MAGI1: variants seen among roughly 807,000 people sequenced by gnomAD.
The protein encoded by MAGI1 is membrane-associated guanylate kinase, WW and PDZ domain-containing protein 1.
Under a neutral mutation model 139.9 loss-of-function variants are expected in MAGI1, and 58 were observed. The observed-to-expected ratio is 0.41, with a 90% CI of 0.34 to 0.52. The LOEUF (loss-of-function observed/expected upper bound fraction) is 0.52. Among genes scored for constraint, MAGI1 ranks in the 20% least tolerant of loss-of-function variants. MAGI1 has a pLI of 0.12. For synonymous variants in MAGI1, 812 were observed against 737.9 expected (o/e 1.10, Z -1.63); for missense variants, 1,874 against 1,901.6 (o/e 0.99, Z 0.27).
intron 3 of MAGI1, among the ~76,000 whole-genome samples, chr3:65,485,886 C>CTAA (rs1212887359): frequency 6.6e-6 from 1 of 152,166 alleles, no homozygotes; most frequent in Non-Finnish European, 1.5e-5. Flanking sequence ...TTGGGGATCT[C>CTAA]TAAGCAGGGA....
intron 1 of MAGI1, among the ~76,000 whole-genome samples, chr3:66,011,406 G>A (rs2067313076): frequency 1.3e-5 from 2 of 152,086 alleles, no homozygotes; most frequent in Admixed American, 6.5e-5. Context: ...TGAAGAAGGT[G>A]GTGCTTATTA....
At chr3:65,989,480 A>G (rs1292504509) in intron 1 of MAGI1, among the ~76,000 whole-genome samples, 1 of 152,216 alleles carries the variant, frequency 6.6e-6, no homozygotes, top group Non-Finnish European at 1.5e-5. Flanking sequence ...TATAAACAGT[A>G]CATGAGCCAG....
chr3:65,466,803 C>T (rs945581704), intron 5 of MAGI1, among the ~76,000 whole-genome samples: 1 of 152,216 alleles, frequency 6.6e-6, no homozygotes, highest in Non-Finnish European at 1.5e-5. Context: ...GCCAGCTCTA[C>T]ACTTGGCCTT....
chr3:65,673,234 C>G (rs141884768), intron 1 of MAGI1, among the ~76,000 whole-genome samples: 226 of 152,170 alleles, frequency 1.5e-3, no homozygotes, highest in African/African-American at 5.2e-3. Context: ...ATGTTTATAC[C>G]CTTTTACATG....
intron 2 of MAGI1, among the ~76,000 whole-genome samples, chr3:65,613,265 G>T (rs1046495646): frequency 1.3e-5 from 2 of 152,136 alleles, no homozygotes; most frequent in African/African-American, 4.8e-5. Flanking sequence ...GCCCTACAGG[G>T]TTCAGAGATG....
In MAGI1 at chr3:65,566,223, C is replaced by T. The variant is rs376965039; in HGVS notation, c.430+55749G>A. ...GAGCTGAGACTGCACCACTGCACTC[C>T]AGCCTGGGCAACAGAGCAAGACTCT... On this transcript the variant is annotated intron_variant, in intron 2 of 22. Coordinates refer to ENST00000402939, the MANE Select transcript of MAGI1 (RefSeq NM_001033057.2). 2.8e-4 allele frequency among the ~76,000 whole-genome samples: 43 copies of T among 151,932 alleles called. No homozygotes were observed. In the East Asian group the frequency reaches 4.5e-3, roughly 16 times the overall value.
intron 3 of MAGI1, among the ~76,000 whole-genome samples, chr3:65,490,843 C>CAAAAAAAAAAAAA (rs5849677): frequency 1.5e-5 from 1 of 64,754 alleles, no homozygotes; most frequent in Non-Finnish European, 2.7e-5. Flanking sequence ...GACTCTGTCT[C>CAAAAAAAAAAAAA]AAAAAAAAAA....
intron 1 of MAGI1, among the ~76,000 whole-genome samples, chr3:65,889,136 A>G (rs1410385957): frequency 2.6e-5 from 4 of 152,252 alleles, no homozygotes; most frequent in African/African-American, 7.2e-5. Flanking sequence ...TTTCTGAAGC[A>G]TAGCCTCTAA....
At chr3:65,406,900 G>A (rs957759357) in intron 12 of MAGI1, among the ~76,000 whole-genome samples, 3 of 152,152 alleles carry the variant, frequency 2.0e-5, no homozygotes, top group Non-Finnish European at 4.4e-5. Flanking sequence ...GAAAATGACT[G>A]TGAGGTCTTG....
intron 1 of MAGI1, among the ~76,000 whole-genome samples, chr3:65,862,749 A>T (rs2059596432): frequency 6.6e-6 from 1 of 152,246 alleles, no homozygotes. Flanking sequence ...GCAGAGCCAC[A>T]AAATGCAGAG....
chr3:65,964,973 G>T (rs2064665871), intron 1 of MAGI1, among the ~76,000 whole-genome samples: 1 of 152,216 alleles, frequency 6.6e-6, no homozygotes, highest in South Asian at 2.1e-4. Flanking sequence ...AGGTACTGAT[G>T]ATGCCAAGGA....
intron 1 of MAGI1, among the ~76,000 whole-genome samples, chr3:66,017,231 G>T (rs2067694232): frequency 6.6e-6 from 1 of 152,218 alleles, no homozygotes; most frequent in Admixed American, 6.5e-5. Flanking sequence ...GAGAAAGTAG[G>T]AGTTAGTCAG....
At chr3:66,035,400 G>A (rs1228470709) in intron 1 of MAGI1, among the ~76,000 whole-genome samples, 4 of 152,180 alleles carry the variant, frequency 2.6e-5, no homozygotes, top group African/African-American at 9.7e-5. Flanking sequence ...CATATACCAA[G>A]TATGAGCCTG....
At chr3:65,693,730 T>C (rs1176515241) in intron 1 of MAGI1, among the ~76,000 whole-genome samples, 1 of 152,104 alleles carries the variant, frequency 6.6e-6, no homozygotes, top group Non-Finnish European at 1.5e-5. Flanking sequence ...TTGTTGTTGT[T>C]GTTTTGTTTT....
intron 1 of MAGI1, among the ~76,000 whole-genome samples, chr3:66,013,017 C>T (rs1560110252): frequency 6.6e-6 from 1 of 152,150 alleles, no homozygotes; most frequent in South Asian, 2.1e-4. Flanking sequence ...ATTTTAACTC[C>T]TATTGTGTCT....
At chr3:65,378,645 G>A (rs914501475) in intron 17 of MAGI1, among the ~76,000 whole-genome samples, 1 of 151,682 alleles carries the variant, frequency 6.6e-6, no homozygotes, top group Non-Finnish European at 1.5e-5. Context: ...TGCTGTCCAG[G>A]GGTTCCTATT....
chr3:65,492,690 G>A (rs1476538784), intron 3 of MAGI1, among the ~76,000 whole-genome samples: 4 of 152,150 alleles, frequency 2.6e-5, no homozygotes, highest in South Asian at 2.1e-4. Context: ...ATGTGCACAC[G>A]CATGTCTGTA....
At chr3:65,611,201 G>GTA (rs1215654364) in intron 2 of MAGI1, among the ~76,000 whole-genome samples, 1 of 139,514 alleles carries the variant, frequency 7.2e-6, no homozygotes, top group South Asian at 2.2e-4. Flanking sequence ...ATATATGTGT[G>GTA]TATACACACG....
intron 18 of MAGI1, among the ~76,000 whole-genome samples, chr3:65,370,458 T>C (rs1483080402): frequency 6.6e-6 from 1 of 152,202 alleles, no homozygotes; most frequent in Non-Finnish European, 1.5e-5. Context: ...TCCTCAACTA[T>C]GTTGTACCAG....
Sources: gnomAD v4.1 joint callset for allele counts (sites outside exome capture counted in the v4.1 genomes callset) on GRCh38, gnomAD v4.1.1 for gene constraint, MANE v1.5 for transcripts, NCBI Gene and HGNC (gene_info 2026-07-23, HGNC 2026-07-21) for gene names.